OR2L13: variants seen among roughly 807,000 people sequenced by gnomAD.
The protein encoded by OR2L13 is olfactory receptor 2L13.
In OR2L13, 14 loss-of-function variants were observed where a neutral mutation model predicts 15.3. The ratio of observed to expected loss-of-function variants is 0.91; its 90% CI spans 0.60 to 1.43. The LOEUF is 1.43. OR2L13 is among the 40% of genes most tolerant of loss of function. The pLI, the probability that OR2L13 is intolerant of heterozygous loss-of-function variation, is 0.00. For missense variants in OR2L13, 367 were observed against 387.9 expected, an observed-to-expected ratio of 0.95 and a Z score of 0.45; for synonymous variants, 152 against 142.9, an observed-to-expected ratio of 1.06 and a Z score of -0.45.
At chr1:248,029,882 A>G in the OR2L13 span, among the ~76,000 whole-genome samples, 3 of 152,320 alleles carry the variant, frequency 2.0e-5, no homozygotes, top group African/African-American at 7.2e-5. Flanking sequence ...ATGCCTTGAA[A>G]CATCTAAATA....
At chr1:247,959,470 C>T in the OR2L13 span, among the ~76,000 whole-genome samples, 1 of 151,944 alleles carries the variant, frequency 6.6e-6, no homozygotes, top group African/African-American at 2.4e-5. Flanking sequence ...TGTGTATTTC[C>T]TGAATTTGAA....
At chr1:248,043,924 A>G in the OR2L13 span, among the ~76,000 whole-genome samples, 9 of 152,208 alleles carry the variant, frequency 5.9e-5, no homozygotes, top group Non-Finnish European at 8.8e-5. Context: ...CAATATTATT[A>G]TCTTTAAAGA....
chr1:248,093,360 C>G (rs1172212640), upstream of OR2L13, among the ~76,000 whole-genome samples: 1 of 152,154 alleles, frequency 6.6e-6, no homozygotes, highest in Admixed American at 6.5e-5. Context: ...ATATATTGGA[C>G]TTTCCTCAAG....
chr1:248,086,595 T>C, the OR2L13 span, among the ~76,000 whole-genome samples: 1 of 152,048 alleles, frequency 6.6e-6, no homozygotes, highest in African/African-American at 2.4e-5. Context: ...CATTTTTGAA[T>C]AAAGGATTTT....
the OR2L13 span, chr1:248,038,783 C>T: frequency 6.2e-7 from 1 of 1,614,044 alleles, no homozygotes; most frequent in Non-Finnish European, 8.5e-7. Context: ...AGTCCAGAGC[C>T]ATCAATCATT....
chr1:247,987,600 A>G, the OR2L13 span, among the ~76,000 whole-genome samples: 14 of 152,188 alleles, frequency 9.2e-5, no homozygotes, highest in Non-Finnish European at 1.8e-4. Flanking sequence ...TTCGACCCAT[A>G]ACAAACTCTT....
At chr1:248,038,161 C>G in the OR2L13 span, 1 of 760,966 alleles carries the variant, frequency 1.3e-6, no homozygotes, top group South Asian at 1.7e-5. Flanking sequence ...ACCCCAGTTT[C>G]AGGCATCCAC....
At chr1:247,951,027 A>G in the OR2L13 span, among the ~76,000 whole-genome samples, 1 of 151,982 alleles carries the variant, frequency 6.6e-6, no homozygotes, top group Non-Finnish European at 1.5e-5. Flanking sequence ...CATCACATAC[A>G]CTCTATAATT....
chr1:247,965,946 G>T, the OR2L13 span: 1 of 1,609,042 alleles, frequency 6.2e-7, no homozygotes, highest in Non-Finnish European at 8.5e-7. Flanking sequence ...TGGTGTGTCA[G>T]GACACCTCCC....
upstream of OR2L13, among the ~76,000 whole-genome samples, chr1:248,094,598 C>T (rs1664675790): frequency 6.6e-6 from 1 of 152,162 alleles, no homozygotes; most frequent in African/African-American, 2.4e-5. Context: ...ACTCTAAATG[C>T]TCATTTTATC....
chr1:248,089,344 T>C, the OR2L13 span, among the ~76,000 whole-genome samples: 1 of 152,182 alleles, frequency 6.6e-6, no homozygotes, highest in Non-Finnish European at 1.5e-5. Flanking sequence ...CTGAACCCTG[T>C]CATTATGGGT....
At chr1:248,058,156 A>G in the OR2L13 span, among the ~76,000 whole-genome samples, 1 of 152,232 alleles carries the variant, frequency 6.6e-6, no homozygotes, top group Non-Finnish European at 1.5e-5. Context: ...AAAGAAATGC[A>G]TAGACATGGT....
chr1:248,022,631 C>G, the OR2L13 span: 423 of 1,614,120 alleles, frequency 2.6e-4, 1 homozygote, highest in South Asian at 5.7e-4. Flanking sequence ...ACCGCATGCA[C>G]TCTGCAGAAG....
At chr1:247,946,830 C>T in the OR2L13 span, among the ~76,000 whole-genome samples, 2 of 152,130 alleles carry the variant, frequency 1.3e-5, no homozygotes, top group African/African-American at 4.8e-5. Context: ...AACATCATTT[C>T]ATCTTACAGA....
the OR2L13 span, among the ~76,000 whole-genome samples, chr1:248,088,030 C>T: frequency 1.8e-4 from 27 of 152,204 alleles, no homozygotes; most frequent in East Asian, 5.8e-4. Flanking sequence ...CATTTACACG[C>T]GTGCTATTTA....
At chr1:247,982,037 A>C in the OR2L13 span, among the ~76,000 whole-genome samples, 10 of 151,998 alleles carry the variant, frequency 6.6e-5, no homozygotes, top group African/African-American at 2.2e-4. Context: ...GGATGGTCTC[A>C]ATCTCCTGAC....
chr1:248,077,988 C>A, the OR2L13 span, among the ~76,000 whole-genome samples: 3 of 152,066 alleles, frequency 2.0e-5, no homozygotes. Context: ...CATTAAGAGG[C>A]ATCTTATCAA....
the OR2L13 span, chr1:248,055,848 A>T: frequency 6.6e-6 from 1 of 152,192 alleles, no homozygotes; most frequent in East Asian, 1.9e-4. Context: ...AGAAATGATA[A>T]CAGCTCCTCT....
chr1:248,067,169 A>G, the OR2L13 span, among the ~76,000 whole-genome samples: 2 of 152,306 alleles, frequency 1.3e-5, no homozygotes, highest in Admixed American at 1.3e-4. Context: ...TGCACTAGAA[A>G]TTTTACCTTT....
Sources: gnomAD v4.1 joint callset for allele counts (sites outside exome capture counted in the v4.1 genomes callset) on GRCh38, gnomAD v4.1.1 for gene constraint, MANE v1.5 for transcripts, NCBI Gene and HGNC (gene_info 2026-07-23, HGNC 2026-07-21) for gene names.